The following CCSER1 variants were observed in gnomAD, a reference collection of about 807,000 sequenced individuals.
The protein encoded by CCSER1 is coiled-coil serine rich protein 1.
CCSER1 carries 41 observed loss-of-function variants against 82.0 expected under a neutral mutation model. The observed-to-expected ratio is 0.50, with a 90% CI of 0.39 to 0.65. The LOEUF is 0.65. CCSER1 is among the 30% of genes least tolerant of loss of function. CCSER1 has a pLI of 0.00. For synonymous variants in CCSER1, 414 were observed against 383.9 expected, an observed-to-expected ratio of 1.08 and a Z score of -0.92; for missense variants, 1,119 against 1,064.2, an observed-to-expected ratio of 1.05 and a Z score of -0.72.
intron 9 of CCSER1, among the ~76,000 whole-genome samples, chr4:90,978,123 C>T (rs931321120): frequency 6.6e-6 from 1 of 151,540 alleles, no homozygotes; most frequent in Non-Finnish European, 1.5e-5. Flanking sequence ...TCATATAATG[C>T]TTTTTCAGGG....
Position 90,839,104 on chromosome 4 carries a change from C to T in CCSER1, c.2094+23259C>T, listed in dbSNP as rs146679268. 6.2e-4 allele frequency: 734 copies of T among 1,186,746 alleles called. 5 individuals are homozygous for T. In the East Asian group the frequency reaches 0.014, roughly 23 times the overall value. The allele number at this position is 1,186,746 out of a possible 1,614,324, so 73.5% of individuals were successfully genotyped here. On this transcript the variant is annotated intron_variant, in intron 8 of 10. Coordinates refer to ENST00000509176, the MANE Select transcript of CCSER1 (RefSeq NM_001145065.2). ...GAAGTCTGGTCTGCGCAGTGGCCAC[C>T]ACCGAGTTGTCGCCATAATATTTTT...
chr4:90,701,044 A>G (rs1451935512), intron 6 of CCSER1, among the ~76,000 whole-genome samples: 1 of 152,172 alleles, frequency 6.6e-6, no homozygotes, highest in African/African-American at 2.4e-5. Flanking sequence ...TGTTTTAGAC[A>G]TGAAGTCCTT....
intron 8 of CCSER1, among the ~76,000 whole-genome samples, chr4:90,879,292 T>C (rs1720840412): frequency 6.6e-6 from 1 of 152,136 alleles, no homozygotes; most frequent in Non-Finnish European, 1.5e-5. Flanking sequence ...TACTGGCTAT[T>C]TTGTCCTTCA....
chr4:90,864,924 G>T (rs1360096145), intron 8 of CCSER1, among the ~76,000 whole-genome samples: 1 of 151,952 alleles, frequency 6.6e-6, no homozygotes, highest in African/African-American at 2.4e-5. Flanking sequence ...TTCTATGACT[G>T]CTGGTAGGTG....
intron 4 of CCSER1, among the ~76,000 whole-genome samples, chr4:90,457,501 A>G (rs1164690482): frequency 1.3e-5 from 2 of 152,188 alleles, no homozygotes; most frequent in South Asian, 2.1e-4. Flanking sequence ...ATTGAGCTAC[A>G]GTACAGCTCT....
At chr4:91,111,689 C>T (rs1053587932) in intron 10 of CCSER1, among the ~76,000 whole-genome samples, 1 of 151,738 alleles carries the variant, frequency 6.6e-6, no homozygotes, top group Non-Finnish European at 1.5e-5. Context: ...ATCCTGAAAA[C>T]TCTACCAATG....
chr4:91,508,179 T>TTTTTTTTTTTTTTTC (rs1759622067), intron 10 of CCSER1, among the ~76,000 whole-genome samples: 1 of 139,548 alleles, frequency 7.2e-6, no homozygotes, highest in African/African-American at 2.6e-5. Context: ...TTTTTTTTTT[T>TTTTTTTTTTTTTTTC]CCTGATCTTG....
chr4:90,309,646 T>C (rs750467986), intron 2 of CCSER1, 38 bp downstream of exon 2: 2 of 1,418,886 alleles, frequency 1.4e-6, no homozygotes, highest in South Asian at 2.9e-5. Flanking sequence ...TGATATGAAT[T>C]AATTTTCATT....
chr4:91,073,515 G>A (rs577744523), intron 9 of CCSER1, among the ~76,000 whole-genome samples: 86 of 152,058 alleles, frequency 5.7e-4, no homozygotes, highest in African/African-American at 1.9e-3. Context: ...CTTACAAAAC[G>A]AATCCTAAGT....
At chr4:90,160,894 A>T (rs1432834559) in intron 1 of CCSER1, among the ~76,000 whole-genome samples, 2 of 152,204 alleles carry the variant, frequency 1.3e-5, no homozygotes, top group Non-Finnish European at 2.9e-5. Context: ...AGCCAAGTGT[A>T]TGTCTAAGTC....
At chr4:91,180,010 A>G (rs4645181) in intron 10 of CCSER1, among the ~76,000 whole-genome samples, 111,014 of 152,128 alleles carry the variant, frequency 0.73, 40,783 homozygotes, top group Non-Finnish European at 0.78. Flanking sequence ...CTTTCTGTTT[A>G]TTAGTTTTCC....
intron 10 of CCSER1, among the ~76,000 whole-genome samples, chr4:91,445,681 C>A (rs190213447): frequency 4.5e-4 from 69 of 151,992 alleles, no homozygotes; most frequent in African/African-American, 1.5e-3. Flanking sequence ...CTATCCATAG[C>A]TTCTCTCTAT....
At chr4:90,471,245 T>C (rs1466167978) in intron 5 of CCSER1, among the ~76,000 whole-genome samples, 2 of 152,058 alleles carry the variant, frequency 1.3e-5, no homozygotes, top group African/African-American at 4.8e-5. Flanking sequence ...AATCCAGGCA[T>C]TGGGCAGATT....
rs534214150 is a variant in CCSER1, at chr4:91,208,777, G to A, written c.2217+122783G>A. On this transcript the variant is annotated intron_variant, in intron 10 of 10. Coordinates refer to ENST00000509176, the MANE Select transcript of CCSER1 (RefSeq NM_001145065.2). ...GAAGAATGGTAGTTTGATAGGCATA[G>A]CATTAAATCTATAAATTGCTTTGGG... 7.2e-5 allele frequency among the ~76,000 whole-genome samples: 11 copies of A among 152,020 alleles called. No individual in the cohort carries two copies. The South Asian group carries it at 1.2e-3, about 17-fold the overall frequency.
At chr4:90,325,566 T>C (rs1287857241) in intron 3 of CCSER1, 7 of 379,866 alleles carry the variant, frequency 1.8e-5, no homozygotes, top group Admixed American at 1.0e-4. Context: ...ACAGCTTCCA[T>C]AGCATAAGAG....
intron 10 of CCSER1, among the ~76,000 whole-genome samples, chr4:91,566,618 A>G (rs1274695357): frequency 6.6e-6 from 1 of 152,076 alleles, no homozygotes; most frequent in Non-Finnish European, 1.5e-5. Flanking sequence ...CAGTCTTGAG[A>G]GGATGTATAT....
intron 10 of CCSER1, among the ~76,000 whole-genome samples, chr4:91,332,505 CAG>C (rs1747025868): frequency 6.6e-6 from 1 of 151,422 alleles, no homozygotes; most frequent in Non-Finnish European, 1.5e-5. Flanking sequence ...ATCTAGGTAC[CAG>C]AGTTTCTAGT....
At chr4:91,366,209 T>C (rs926233133) in intron 10 of CCSER1, among the ~76,000 whole-genome samples, 6 of 152,012 alleles carry the variant, frequency 3.9e-5, no homozygotes, top group African/African-American at 1.4e-4. Flanking sequence ...TTAGTAGAAA[T>C]TGGGTTTCAC....
At chr4:91,100,659 T>C (rs948977730) in intron 10 of CCSER1, among the ~76,000 whole-genome samples, 6 of 152,174 alleles carry the variant, frequency 3.9e-5, no homozygotes, top group African/African-American at 1.4e-4. Flanking sequence ...AGAAAAAATA[T>C]TTACCTTTTC....
Sources: gnomAD v4.1 joint callset for allele counts (sites outside exome capture counted in the v4.1 genomes callset) on GRCh38, gnomAD v4.1.1 for gene constraint, MANE v1.5 for transcripts, NCBI Gene and HGNC (gene_info 2026-07-23, HGNC 2026-07-21) for gene names.